Variants in BDH1 observed in about 807,000 individuals in gnomAD.
The protein encoded by BDH1 is 3-hydroxybutyrate dehydrogenase 1.
BDH1 carries 30 observed loss-of-function variants against 33.1 expected under a neutral mutation model. The ratio of observed to expected loss-of-function variants is 0.91; its 90% CI spans 0.68 to 1.23. The LOEUF (loss-of-function observed/expected upper bound fraction) is 1.23. Among genes scored for constraint, BDH1 ranks in the 50% most tolerant of loss-of-function variants. The pLI is 0.00. For synonymous variants in BDH1, 190 were observed against 183.6 expected, an observed-to-expected ratio of 1.03 and a Z score of -0.28; for missense variants, 443 against 464.4, an observed-to-expected ratio of 0.95 and a Z score of 0.42.
intron 1 of BDH1, among the ~76,000 whole-genome samples, chr3:197,563,420 T>C (rs1004653758): frequency 6.6e-6 from 1 of 152,166 alleles, no homozygotes; most frequent in Admixed American, 6.5e-5. Context: ...AAAAGAAGAA[T>C]GAACAAGGAG....
At chr3:197,544,001 T>A (rs903226269) in intron 3 of BDH1, among the ~76,000 whole-genome samples, 2 of 152,134 alleles carry the variant, frequency 1.3e-5, no homozygotes, top group African/African-American at 4.8e-5. Context: ...TCTCCATCAC[T>A]GGACATATTC....
At chr3:197,542,292 T>C (rs949934045) in intron 3 of BDH1, among the ~76,000 whole-genome samples, 2 of 152,194 alleles carry the variant, frequency 1.3e-5, no homozygotes, top group African/African-American at 4.8e-5. Flanking sequence ...CAATCCCAGC[T>C]CATACACTGG....
rs937090000 is a variant in BDH1 at position 197,521,651 on chromosome 3, C to T, written c.409+989G>A. ...CTTCAGTGTCTCCCTATCTCCCCAC[C>T]TGCTCCTGCAGTGCGGGGCACCAGG... On this transcript the variant is annotated intron_variant, in intron 6 of 7. Coordinates refer to ENST00000392379, the MANE Select transcript of BDH1 (RefSeq NM_203314.3). The surrounding 1 kb of genome is among the most constrained non-coding windows in gnomAD (Gnocchi z 4.9). Among the ~76,000 whole-genome samples, 1 of 152,168 alleles carries T rather than the reference C, an allele frequency of 6.6e-6. No homozygotes were observed. The highest frequency in any genetic ancestry group is 1.5e-5 in the Non-Finnish European group (1 of 68,022).
At chr3:197,546,137 A>G in intron 3 of BDH1, 1 of 467,924 alleles carries the variant, frequency 2.1e-6, no homozygotes, top group Non-Finnish European at 3.8e-6. Flanking sequence ...CTCCATCAAA[A>G]AGAAAAAAAA....
chr3:197,532,342 CT>C (rs60931125), intron 5 of BDH1, 69 bp downstream of exon 5: 1 of 1,421,194 alleles, frequency 7.0e-7, no homozygotes, highest in Non-Finnish European at 9.9e-7. Context: ...TAGGAAAGCA[CT>C]TTTTAAAAGA....
chr3:197,568,358 T>G (rs1484285075), intron 1 of BDH1, among the ~76,000 whole-genome samples: 1 of 152,094 alleles, frequency 6.6e-6, no homozygotes, highest in Non-Finnish European at 1.5e-5. Flanking sequence ...AGTAGCTTTT[T>G]CTGGAATTGA....
At chr3:197,515,135 G>GA (rs763312161) in intron 6 of BDH1, among the ~76,000 whole-genome samples, 26 of 152,388 alleles carry the variant, frequency 1.7e-4, no homozygotes, top group African/African-American at 5.3e-4. Context: ...TCATGGAAAT[G>GA]AGTTTGTGTA....
intron 2 of BDH1, 109 bp from the exon 3 acceptor site, chr3:197,546,595 C>G (rs764881693): frequency 7.5e-5 from 51 of 676,858 alleles, no homozygotes; most frequent in Non-Finnish European, 1.2e-4. Context: ...GCATCTGTTC[C>G]ACCCAGCTCC....
At chr3:197,549,122 C>T (rs889146359) in intron 2 of BDH1, among the ~76,000 whole-genome samples, 1 of 152,112 alleles carries the variant, frequency 6.6e-6, no homozygotes, top group Non-Finnish European at 1.5e-5. Flanking sequence ...GAGGCGGGTG[C>T]TCAGTCTCCT....
intron 1 of BDH1, among the ~76,000 whole-genome samples, chr3:197,561,974 G>C (rs1247387772): frequency 6.6e-6 from 1 of 152,142 alleles, no homozygotes; most frequent in African/African-American, 2.4e-5. Context: ...AGAACAAAGG[G>C]GCCACTCACC....
chr3:197,512,410 G>A (rs1259686091), intron 7 of BDH1, 46 bp from the exon 8 acceptor site: 1 of 1,546,188 alleles, frequency 6.5e-7, no homozygotes, highest in Non-Finnish European at 8.7e-7. Context: ...ACTGCCCTAT[G>A]ACACAGCGGG....
rs889007828 is a variant in BDH1 at position 197,528,883 on chromosome 3, T to G, written c.267+3529A>C. 3.9e-5 allele frequency: 6 copies of G among 152,274 alleles called. No individual in the cohort carries two copies. The highest frequency in any genetic ancestry group is 7.3e-5 in the Non-Finnish European group (5 of 68,078). 9.4% of individuals were successfully genotyped at this position (152,274 alleles called of 1,614,324 possible). ...GAACCGAAGGCCCTTTTGAAGAGTC[T>G]TCTGCAGCATCGAGCAGCCTCTGCC... is the stretch of plus-strand genomic sequence containing the variant. On this transcript the variant is annotated intron_variant, in intron 5 of 7. Transcript: ENST00000392379. This position sits in a 1 kb window ranked among gnomAD's most constrained non-coding sequence, Gnocchi z 5.1.
chr3:197,533,502 C>G lies in BDH1; in HGVS notation c.143G>C (p.Ser48Thr). 6.2e-7 allele frequency: 1 copy of G among 1,614,268 alleles called. No homozygotes were observed. Among genetic ancestry groups the G allele is most frequent in the Non-Finnish European group, 8.5e-7 (1 of 1,180,052 alleles). ...FIPIGRRTYASAAEPVGSKAV... is the reference protein window; with the variant it reads ...FIPIGRRTYATAAEPVGSKAV... ...GCTTCCACTCACCGGCTCCGCCGCA[C>G]TGGCATAAGTCCGACGGCCAATCGG... Residue 48 changes from serine to threonine, a missense_variant, in exon 4 of 8, where the codon AGT becomes ACT. Transcript: ENST00000392379.
Position 197,514,520 on chromosome 3 carries a change from C to A in BDH1, c.410-104G>T, listed in dbSNP as rs1332270271. Reference sequence around the variant, plus strand: ...CCTCTCTGCTTCTTTCCTGTGACTTCCCAGCCTCTCGCCCAGTGCTCTCAA... The same window carrying A: ...CCTCTCTGCTTCTTTCCTGTGACTTACCAGCCTCTCGCCCAGTGCTCTCAA... On this transcript the variant is annotated intron_variant, in intron 6 of 7. Transcript: ENST00000392379. The surrounding 1 kb of genome is among the most constrained non-coding windows in gnomAD (Gnocchi z 4.2). The A allele has an allele frequency of 1.5e-6, 2 of 1,328,394 alleles. No individual in the cohort carries two copies. Among genetic ancestry groups the A allele is most frequent in the East Asian group, 5.0e-5 (2 of 40,334 alleles). The allele number at this position is 1,328,394 out of a possible 1,614,324, so 82.3% of individuals were successfully genotyped here.
intron 2 of BDH1, among the ~76,000 whole-genome samples, chr3:197,550,326 G>A (rs991594490): frequency 1.3e-5 from 2 of 152,154 alleles, no homozygotes; most frequent in African/African-American, 4.8e-5. Flanking sequence ...CACCTTGATC[G>A]TCCTGAGAGA....
chr3:197,533,834 C>A (rs1340294127), intron 3 of BDH1: 2 of 462,058 alleles, frequency 4.3e-6, no homozygotes, highest in Non-Finnish European at 7.7e-6. Flanking sequence ...CTCTGCTAAA[C>A]CCTGGCCATC....
In BDH1 at chr3:197,516,397, C is replaced by G. The variant is rs1230258436; in HGVS notation, c.410-1981G>C. Among the ~76,000 whole-genome samples the G allele has an allele frequency of 6.6e-6, 1 of 152,176 alleles. No homozygotes were observed. Among genetic ancestry groups the G allele is most frequent in the East Asian group, 1.9e-4 (1 of 5,208 alleles). Reference sequence around the variant, plus strand: ...CCAAAAAAGTTTAATGAAACATGACCTGTGAAAGTGCACAGCCCCTGGATT... The same window carrying G: ...CCAAAAAAGTTTAATGAAACATGACGTGTGAAAGTGCACAGCCCCTGGATT... On this transcript the variant is annotated intron_variant, in intron 6 of 7. Coordinates refer to ENST00000392379, the MANE Select transcript of BDH1 (RefSeq NM_203314.3). This position sits in a 1 kb window ranked among gnomAD's most constrained non-coding sequence, Gnocchi z 4.2.
chr3:197,533,166 C>T (rs187071354), intron 4 of BDH1, among the ~76,000 whole-genome samples: 3 of 152,304 alleles, frequency 2.0e-5, no homozygotes, highest in East Asian at 1.9e-4. Flanking sequence ...CGGGAGCCAC[C>T]GCCCTGGGCC....
chr3:197,512,286 C>G lies in BDH1; in HGVS notation c.641G>C (p.Gly214Ala), dbSNP rs144830970. Residue 214 changes from glycine to alanine, a missense_variant, in exon 8 of 8, where the codon GGG becomes GCG. By Grantham distance (60) the Gly-to-Ala change is moderately conservative (BLOSUM62 0). Coordinates refer to ENST00000392379, the MANE Select transcript of BDH1 (RefSeq NM_203314.3). ...CAGGCAGTCCGAGAAAGCCTCTACCCCGAACTTGGTGATGCAGTACGGGGA... is the reference window on the plus strand; with the variant it reads ...CAGGCAGTCCGAGAAAGCCTCTACCGCGAACTTGGTGATGCAGTACGGGGA... ...ARSPYCITKF[G>A]VEAFSDCLRY... 7.7e-5 allele frequency: 124 copies of G among 1,612,800 alleles called. No individual in the cohort carries two copies. In the African/African-American group the frequency reaches 1.3e-3, roughly 17 times the overall value.
Sources: gnomAD v4.1 joint callset for allele counts (sites outside exome capture counted in the v4.1 genomes callset) on GRCh38, gnomAD v4.1.1 for gene constraint, Gnocchi (gnomAD v3.1) non-coding constraint, MANE v1.5 for transcripts, NCBI Gene and HGNC (gene_info 2026-07-23, HGNC 2026-07-21) for gene names.